Variants in ERC2 observed in about 807,000 individuals in gnomAD.
The protein encoded by ERC2 is ELKS/RAB6-interacting/CAST family member 2.
In ERC2, 42 loss-of-function variants were observed where a neutral mutation model predicts 114.8. That is an observed-to-expected ratio of 0.37 (90% CI 0.29 to 0.47). The LOEUF (loss-of-function observed/expected upper bound fraction) is 0.47, where lower values mean the gene tolerates loss of function less well. ERC2 is among the 20% of genes least tolerant of loss of function. ERC2 has a pLI of 0.99. For synonymous variants in ERC2, 454 were observed against 425.5 expected (o/e 1.07, Z -0.82); for missense variants, 939 against 1,150.7 (o/e 0.82, Z 2.66).
chr3:56,193,397 A>T (rs1202051041), intron 3 of ERC2, among the ~76,000 whole-genome samples: 1 of 152,080 alleles, frequency 6.6e-6, no homozygotes, highest in African/African-American at 2.4e-5. Context: ...AATCCCAGCT[A>T]TTCAGGAGAC....
intron 2 of ERC2, among the ~76,000 whole-genome samples, chr3:56,372,565 A>T (rs931851512): frequency 4.6e-5 from 7 of 152,048 alleles, no homozygotes; most frequent in Non-Finnish European, 8.8e-5. Context: ...CCATCTCTAC[A>T]AAAACTACAA....
At chr3:56,047,123 AAGC>A (rs2075513232) in intron 7 of ERC2, among the ~76,000 whole-genome samples, 1 of 152,216 alleles carries the variant, frequency 6.6e-6, no homozygotes, top group African/African-American at 2.4e-5. Flanking sequence ...ATATTTAAAG[AAGC>A]AATCTGCTTT....
chr3:56,435,122 AC>A lies in ERC2; in HGVS notation c.-116del. 1 of 738,906 alleles carries A rather than the reference AC, an allele frequency of 1.4e-6. No individual in the cohort carries two copies. The highest frequency in any genetic ancestry group is 2.2e-6 in the Non-Finnish European group (1 of 464,952). The allele number at this position is 738,906 out of a possible 1,614,324, so 45.8% of individuals were successfully genotyped here. ...TCACCGCATTCTTTTCACAGTCCGT[AC>A]CAGAAAATAACTCCACTCAGAGATC... On this transcript the variant is annotated 5_prime_UTR_variant, in exon 2 of 18. It introduces an in-frame stop codon into an upstream open reading frame of the 5' UTR. Transcript: ENST00000288221.
chr3:56,397,959 C>T (rs1433384790), intron 2 of ERC2, among the ~76,000 whole-genome samples: 1 of 152,190 alleles, frequency 6.6e-6, no homozygotes, highest in Non-Finnish European at 1.5e-5. Context: ...TTCCCTTTAA[C>T]TGTAATTCCC....
chr3:56,354,882 A>G (rs2058684591), intron 2 of ERC2, among the ~76,000 whole-genome samples: 1 of 152,258 alleles, frequency 6.6e-6, no homozygotes, highest in Non-Finnish European at 1.5e-5. Context: ...GAGTTAACAC[A>G]GCCCTCCCCA....
intron 14 of ERC2, among the ~76,000 whole-genome samples, chr3:55,876,461 T>C (rs534851503): frequency 2.6e-5 from 4 of 152,330 alleles, no homozygotes; most frequent in South Asian, 2.1e-4. Context: ...CTATCCTTTC[T>C]GGTCTAAATG....
At chr3:55,570,672 T>A (rs1176083406) in intron 17 of ERC2, among the ~76,000 whole-genome samples, 1 of 152,152 alleles carries the variant, frequency 6.6e-6, no homozygotes, top group Non-Finnish European at 1.5e-5. Context: ...GGGATGTGAT[T>A]AGGGTGGTCA....
intron 14 of ERC2, among the ~76,000 whole-genome samples, chr3:55,840,401 A>G (rs1304784852): frequency 6.6e-6 from 1 of 151,864 alleles, no homozygotes; most frequent in Non-Finnish European, 1.5e-5. Context: ...TCTTTAGGGA[A>G]AGGCAAAATA....
At chr3:55,702,793 G>A (rs751384833) in intron 15 of ERC2, among the ~76,000 whole-genome samples, 1 of 152,112 alleles carries the variant, frequency 6.6e-6, no homozygotes, top group Non-Finnish European at 1.5e-5. Context: ...TGAGGTGCCC[G>A]CTGAAAAGCC....
chr3:55,909,709 T>G (rs2064688901), intron 13 of ERC2, among the ~76,000 whole-genome samples: 1 of 152,072 alleles, frequency 6.6e-6, no homozygotes, highest in Non-Finnish European at 1.5e-5. Flanking sequence ...CCACAGGCCT[T>G]CCCTCAATCA....
intron 14 of ERC2, among the ~76,000 whole-genome samples, chr3:55,786,777 C>T (rs2069533164): frequency 6.6e-6 from 1 of 152,070 alleles, no homozygotes; most frequent in South Asian, 2.1e-4. Flanking sequence ...AGGTTTTGGC[C>T]ATGGCTGGAA....
chr3:55,512,194 C>T (rs1453043889), intron 17 of ERC2, among the ~76,000 whole-genome samples: 2 of 152,318 alleles, frequency 1.3e-5, no homozygotes, highest in East Asian at 3.9e-4. Context: ...TGCCAAAGAT[C>T]CCAGTGTCTG....
intron 12 of ERC2, among the ~76,000 whole-genome samples, chr3:55,980,124 C>CTTTTTGTCT (rs1697066501): frequency 7.0e-6 from 1 of 143,294 alleles, no homozygotes; most frequent in Non-Finnish European, 1.5e-5. Flanking sequence ...AAAAAAAAAG[C>CTTTTTGTCT]TTTTTGTCTA....
chr3:55,981,855 A>T (rs1239237562), intron 12 of ERC2, among the ~76,000 whole-genome samples: 2 of 152,190 alleles, frequency 1.3e-5, no homozygotes, highest in Non-Finnish European at 2.9e-5. Context: ...GGGACAAAGA[A>T]AAGAAAGAGT....
chr3:55,641,549 CAAAAAA>C (rs57407975), intron 17 of ERC2, among the ~76,000 whole-genome samples: 73 of 28,350 alleles, frequency 2.6e-3, no homozygotes, highest in African/African-American at 1.0e-2. Context: ...GATTCTATCT[CAAAAAA>C]AAAAAAAAAA....
intron 17 of ERC2, among the ~76,000 whole-genome samples, chr3:55,631,806 A>C (rs2059768952): frequency 6.6e-6 from 1 of 152,230 alleles, no homozygotes; most frequent in Non-Finnish European, 1.5e-5. Flanking sequence ...GAATTCCACA[A>C]AGAGCAACAA....
chr3:56,368,183 TTTAAAAA>T (rs775552384), intron 2 of ERC2, among the ~76,000 whole-genome samples: 996 of 85,818 alleles, frequency 0.012, 11 homozygotes, highest in African/African-American at 0.031. Flanking sequence ...TTCTTTTTTT[TTTAAAAA>T]AAAAAAAAAA....
intron 14 of ERC2, among the ~76,000 whole-genome samples, chr3:55,819,006 G>C (rs1295847709): frequency 6.6e-6 from 1 of 152,204 alleles, no homozygotes; most frequent in Non-Finnish European, 1.5e-5. Flanking sequence ...ACTGGTGCAA[G>C]CTAGTGTGGG....
At position 56,172,780 on chromosome 3, in the gene ERC2, C is replaced by T. The variant is rs1317921313; in HGVS notation, c.1149+666G>A. On this transcript the variant is annotated intron_variant, in intron 4 of 17. Transcript: ENST00000288221. ...GCAAAGAAATGGAGTTTCATTTAGA[C>T]CAGTTTCTTAATCATGGATCATGGC... 2.0e-5 allele frequency among the ~76,000 whole-genome samples: 3 copies of T among 152,226 alleles called. No individual in the cohort carries two copies. In the South Asian group the frequency reaches 6.2e-4, roughly 32 times the overall value.
Sources: gnomAD v4.1 joint callset for allele counts (sites outside exome capture counted in the v4.1 genomes callset) on GRCh38, gnomAD v4.1.1 for gene constraint, MANE v1.5 for transcripts, NCBI Gene and HGNC (gene_info 2026-07-23, HGNC 2026-07-21) for gene names.